The following TNIP3 variants were observed in gnomAD, a reference collection of about 807,000 sequenced individuals.
The protein encoded by TNIP3 is TNFAIP3-interacting protein 3.
Under a neutral mutation model 54.1 loss-of-function variants are expected in TNIP3, and 34 were observed. The observed-to-expected ratio is 0.63, with a 90% CI of 0.48 to 0.84. TNIP3 has a LOEUF of 0.84. Among genes scored for constraint, TNIP3 ranks in the 40% least tolerant of loss-of-function variants. The probability of loss-of-function intolerance (pLI) is 0.00; values close to 1 mark genes in which losing one functional copy is unlikely to be tolerated. For synonymous variants in TNIP3, 134 were observed against 136.8 expected (o/e 0.98, Z 0.14); for missense variants, 366 against 387.6 (o/e 0.94, Z 0.47).
chr4:121,176,843 A>G (rs559313670), intron 3 of TNIP3, among the ~76,000 whole-genome samples: 46 of 152,210 alleles, frequency 3.0e-4, no homozygotes, highest in South Asian at 1.0e-3. Context: ...GAAATTTCTC[A>G]AGGCTTTTTA....
chr4:121,186,589 A>G (rs1183698789), intron 2 of TNIP3, among the ~76,000 whole-genome samples: 1 of 152,154 alleles, frequency 6.6e-6, no homozygotes, highest in Non-Finnish European at 1.5e-5. Context: ...ATGGAGGAAA[A>G]CAATGTAATG....
intron 5 of TNIP3, among the ~76,000 whole-genome samples, chr4:121,151,874 A>G (rs1729780305): frequency 6.6e-6 from 1 of 152,188 alleles, no homozygotes; most frequent in African/African-American, 2.4e-5. Context: ...ATTCTAGAAT[A>G]TTTACGATTA....
At chr4:121,180,386 C>T (rs866058134) in intron 3 of TNIP3, among the ~76,000 whole-genome samples, 6 of 151,236 alleles carry the variant, frequency 4.0e-5, no homozygotes, top group African/African-American at 7.3e-5. Context: ...GGCGACAGAG[C>T]GAGACTCCGC....
chr4:121,198,159 T>C (rs1725700735), intron 2 of TNIP3, among the ~76,000 whole-genome samples: 1 of 152,064 alleles, frequency 6.6e-6, no homozygotes, highest in Non-Finnish European at 1.5e-5. Flanking sequence ...TTTTTTTTTT[T>C]TTAGAAATTA....
intron 2 of TNIP3, among the ~76,000 whole-genome samples, chr4:121,201,852 T>C (rs1181140587): frequency 1.3e-5 from 2 of 152,212 alleles, no homozygotes; most frequent in Admixed American, 1.3e-4. Context: ...ATTGAAATCA[T>C]ATAATTTATT....
intron 6 of TNIP3, among the ~76,000 whole-genome samples, chr4:121,148,961 C>T (rs1292566074): frequency 2.0e-5 from 3 of 152,156 alleles, no homozygotes; most frequent in Non-Finnish European, 4.4e-5. Context: ...CAATGTGTGC[C>T]TCAGGGATTG....
chr4:121,160,476 C>CAA (rs10672885), intron 2 of TNIP3, among the ~76,000 whole-genome samples: 34,489 of 137,598 alleles, frequency 0.25, 4,128 homozygotes, highest in Middle Eastern at 0.32. Flanking sequence ...AACACTGTCT[C>CAA]AAAAAAAAAA....
At chr4:121,205,794 G>A (rs922234619) in intron 2 of TNIP3, among the ~76,000 whole-genome samples, 1 of 152,290 alleles carries the variant, frequency 6.6e-6, no homozygotes, top group South Asian at 2.1e-4. Context: ...TATTGAGACA[G>A]TGTATTAGTC....
chr4:121,198,126 G>A (rs17051320), intron 2 of TNIP3, among the ~76,000 whole-genome samples: 35,890 of 151,282 alleles, frequency 0.24, 4,477 homozygotes, highest in African/African-American at 0.29. Flanking sequence ...AAGGACCTTG[G>A]CTAGGAGAAG....
intron 1 of TNIP3, among the ~76,000 whole-genome samples, chr4:121,222,043 G>C (rs1446760257): frequency 2.6e-5 from 4 of 152,152 alleles, no homozygotes. Context: ...TCGATCACCA[G>C]CTCTAAAATG....
intron 2 of TNIP3, among the ~76,000 whole-genome samples, chr4:121,188,108 GA>G (rs1725118091): frequency 6.6e-6 from 1 of 152,098 alleles, no homozygotes; most frequent in Non-Finnish European, 1.5e-5. Flanking sequence ...GAGAGTAACA[GA>G]AATTAATGAA....
At chr4:121,181,624 G>GGTGTGTGTGTGTGT (rs3028475) in intron 3 of TNIP3, among the ~76,000 whole-genome samples, 43 of 148,678 alleles carry the variant, frequency 2.9e-4, no homozygotes, top group Non-Finnish European at 5.7e-4. Flanking sequence ...TAATAAGACA[G>GGTGTGTGTGTGTGT]GTGTGTGTGT....
chr4:121,169,421 T>G (rs925866421), intron 3 of TNIP3, among the ~76,000 whole-genome samples: 11 of 152,190 alleles, frequency 7.2e-5, no homozygotes, highest in Admixed American at 5.2e-4. Flanking sequence ...ACCCCAGCAC[T>G]TTCCATTCAC....
At chr4:121,189,914 C>T (rs533497891) in intron 2 of TNIP3, among the ~76,000 whole-genome samples, 2 of 152,214 alleles carry the variant, frequency 1.3e-5, no homozygotes, top group East Asian at 3.9e-4. Context: ...ATACTGATGC[C>T]ACAAACTAGA....
At chr4:121,216,544 C>A in intron 1 of TNIP3, 1 of 1,532,198 alleles carries the variant, frequency 6.5e-7, no homozygotes, top group South Asian at 1.2e-5. Context: ...AGATGTACGT[C>A]AAGGGAAGTT....
At chr4:121,168,431 C>T (rs1449806717), upstream of TNIP3, among the ~76,000 whole-genome samples, 4 of 152,002 alleles carry the variant, frequency 2.6e-5, no homozygotes, top group Non-Finnish European at 5.9e-5. Flanking sequence ...GAACTTCTGA[C>T]CTTGTGATCC....
At chr4:121,198,992 C>T (rs545987271) in intron 2 of TNIP3, among the ~76,000 whole-genome samples, 1 of 152,246 alleles carries the variant, frequency 6.6e-6, no homozygotes, top group East Asian at 1.9e-4. Flanking sequence ...TATAGATCCT[C>T]TTTGATGGCC....
intron 2 of TNIP3, among the ~76,000 whole-genome samples, chr4:121,194,666 T>TA (rs1279498230): frequency 2.0e-5 from 3 of 152,096 alleles, no homozygotes; most frequent in African/African-American, 7.2e-5. Context: ...GTTCAAATAG[T>TA]AAAAAACACA....
intron 5 of TNIP3, among the ~76,000 whole-genome samples, chr4:121,151,986 T>C (rs1729789153): frequency 6.6e-6 from 1 of 152,220 alleles, no homozygotes; most frequent in Non-Finnish European, 1.5e-5. Context: ...TCACTTTGGT[T>C]AAACATCTGG....
Sources: gnomAD v4.1 joint callset for allele counts (sites outside exome capture counted in the v4.1 genomes callset) on GRCh38, gnomAD v4.1.1 for gene constraint, MANE v1.5 for transcripts, NCBI Gene and HGNC (gene_info 2026-07-23, HGNC 2026-07-21) for gene names.